PCDHGA3: variants seen among roughly 807,000 people sequenced by gnomAD.
PCDHGA3 encodes protocadherin gamma-A3.
A neutral mutation model predicts 58.5 loss-of-function variants in PCDHGA3; 40 were observed. The ratio of observed to expected loss-of-function variants is 0.68; its 90% CI spans 0.53 to 0.89. The LOEUF is 0.89. PCDHGA3 is among the 40% of genes least tolerant of loss of function. The pLI, the probability that PCDHGA3 is intolerant of heterozygous loss-of-function variation, is 0.00. For synonymous variants in PCDHGA3, 530 were observed against 525.7 expected (o/e 1.01, Z -0.11); for missense variants, 1,223 against 1,195.9 (o/e 1.02, Z -0.33).
rs773899530 is a variant in PCDHGA3 at position 141,494,864 on chromosome 5, G to C, written c.2482G>C (p.Gly828Arg). ...FSQAQRPGTS[G>R]SQNGDDTGTW... ...TCAGGCCCAGAGACCCGGCACCAGCGGGTAGGTGACTGATTCTCCAGCCCA... is the reference window on the plus strand; with the variant it reads ...TCAGGCCCAGAGACCCGGCACCAGCCGGTAGGTGACTGATTCTCCAGCCCA... The change falls in exon 2 of 4, where the codon GGC becomes CGC. Residue 828 changes from glycine (G) to arginine (R), a missense_variant and splice_region_variant. Transcript: ENST00000253812. The C allele has an allele frequency of 1.2e-6, 2 of 1,614,068 alleles. No individual in the cohort carries two copies. Among genetic ancestry groups the C allele is most frequent in the Middle Eastern group, 1.6e-4 (1 of 6,062 alleles).
Position 141,356,319 on chromosome 5 carries a change from C to T in PCDHGA3, c.2424+9862C>T, listed in dbSNP as rs756397423. The T allele has an allele frequency of 3.5e-5, 55 of 1,554,034 alleles. No homozygotes were observed. The Admixed American group carries it at 9.8e-4, about 28-fold the overall frequency. On this transcript the variant is annotated intron_variant, in intron 1 of 3. Transcript: ENST00000253812. ...TAATTGCACTTTTCAACGTGCATGACAGTGACTCAGGAGGAAATGGCCTAG... is the reference window on the plus strand; with the variant it reads ...TAATTGCACTTTTCAACGTGCATGATAGTGACTCAGGAGGAAATGGCCTAG...
rs751024373 is a variant in PCDHGA3, at chr5:141,491,801, G to A, written c.2425-3006G>A. On this transcript the variant is annotated intron_variant, in intron 1 of 3. Coordinates refer to ENST00000253812, the MANE Select transcript of PCDHGA3 (RefSeq NM_018916.4). The surrounding 1 kb of genome is among the most constrained non-coding windows in gnomAD (Gnocchi z 6.9). ...AACTTGCATCCACTCCTCTCCGGCC[G>A]GCTTGGTCGCTGGCTGCGCTCCACC... 2.7e-6 allele frequency: 4 copies of A among 1,500,726 alleles called. No homozygotes were observed. The Admixed American group carries it at 7.3e-5, about 28-fold the overall frequency. 93.0% of individuals were successfully genotyped at this position (1,500,726 alleles called of 1,614,324 possible). A position where few individuals can be genotyped will look rare whatever the true frequency, so the allele number is the denominator to read the frequency against.
chr5:141,345,732 C>T lies in PCDHGA3; in HGVS notation c.1699C>T (p.Leu567Phe), dbSNP rs201819603. 3,767 of 1,614,222 alleles carry T rather than the reference C, an allele frequency of 2.3e-3. 7 individuals carry two copies. The highest frequency in any genetic ancestry group is 2.9e-3 in the Non-Finnish European group (3,407 of 1,180,036). ...DNAPEILYPA[L>F]PTDGSTGVEL... is the part of the protein sequence containing the mutation. ...CGCGCCCGAGATCCTGTACCCCGCC[C>T]TCCCCACAGACGGTTCCACTGGCGT... The change falls in exon 1 of 4, where the codon CTC (leucine) becomes TTC (phenylalanine). Residue 567 changes from leucine to phenylalanine, a missense_variant. This residue lies in a region of PCDHGA3 where 791 missense variants were observed against 708.5 expected (regional missense o/e 1.12). Coordinates refer to ENST00000253812, the MANE Select transcript of PCDHGA3 (RefSeq NM_018916.4).
chr5:141,489,707 G>A lies in PCDHGA3; in HGVS notation c.2425-5100G>A. 6.2e-7 allele frequency: 1 copy of A among 1,614,194 alleles called. No individual in the cohort carries two copies. Among genetic ancestry groups the A allele is most frequent in the Non-Finnish European group, 8.5e-7 (1 of 1,180,022 alleles). The stretch of plus-strand genomic sequence containing the variant: ...TCTGGGGCACGATTCCCACTGGACA[G>A]TGCCCAGGATCCGGATGTGGGCACC... On this transcript the variant is annotated intron_variant, in intron 1 of 3. Transcript: ENST00000253812. The surrounding 1 kb of genome is among the most constrained non-coding windows in gnomAD (Gnocchi z 4.5).
In PCDHGA3 at chr5:141,354,495, G is replaced by T. The variant is rs751604496; in HGVS notation, c.2424+8038G>T. Among the ~76,000 whole-genome samples the T allele has an allele frequency of 2.9e-4, 44 of 152,326 alleles. 1 individual carries two copies. Among genetic ancestry groups the T allele is most frequent in the Non-Finnish European group, 4.7e-4 (32 of 68,030 alleles). Reference sequence around the variant, plus strand: ...GGGTAAGGCTAACTCTTGAACAGTAGGTGAGTTTTTTGCAAGGGAATTGAA... The same window carrying T: ...GGGTAAGGCTAACTCTTGAACAGTATGTGAGTTTTTTGCAAGGGAATTGAA... On this transcript the variant is annotated intron_variant, in intron 1 of 3. Coordinates refer to ENST00000253812, the MANE Select transcript of PCDHGA3 (RefSeq NM_018916.4).
At chr5:141,376,493 C>A in intron 1 of PCDHGA3, 1 of 1,614,130 alleles carries the variant, frequency 6.2e-7, no homozygotes, top group South Asian at 1.1e-5. Flanking sequence ...GAAAGGAGAA[C>A]CCAGGCAACT....
chr5:141,374,747 C>G, intron 1 of PCDHGA3: 1 of 1,612,140 alleles, frequency 6.2e-7, no homozygotes, highest in Non-Finnish European at 8.5e-7. Flanking sequence ...CGACCCTGTC[C>G]GCTCAAGCGT....
At chr5:141,510,134 C>T (rs1273076437) in intron 3 of PCDHGA3, among the ~76,000 whole-genome samples, 1 of 152,064 alleles carries the variant, frequency 6.6e-6, no homozygotes, top group East Asian at 1.9e-4. Context: ...ATTAGCTGGG[C>T]TAGTGGTGTG....
At chr5:141,470,059 G>A (rs1206799372) in intron 1 of PCDHGA3, among the ~76,000 whole-genome samples, 6 of 152,186 alleles carry the variant, frequency 3.9e-5, no homozygotes, top group African/African-American at 1.4e-4. Context: ...AACCCCGGAG[G>A]CAGAGACTGT....
At chr5:141,398,604 T>C (rs2093677345) in intron 1 of PCDHGA3, 1 of 1,613,930 alleles carries the variant, frequency 6.2e-7, no homozygotes, top group South Asian at 1.1e-5. Flanking sequence ...TAGCAGAAGA[T>C]GCAGATATTG....
At position 141,493,262 on chromosome 5, in the gene PCDHGA3, A is replaced by G. The variant is rs148431133; in HGVS notation, c.2425-1545A>G. ...GGTACTAACATGCCTCTCTTATAAC[A>G]GCTTCACAGAGGTCAAGTGACTTGC... is the stretch of plus-strand genomic sequence containing the variant. On this transcript the variant is annotated intron_variant, in intron 1 of 3. Transcript: ENST00000253812. This position sits in a 1 kb window ranked among gnomAD's most constrained non-coding sequence, Gnocchi z 4.3. 5.1e-4 allele frequency among the ~76,000 whole-genome samples: 78 copies of G among 152,302 alleles called. No homozygotes were observed. Among genetic ancestry groups the G allele is most frequent in the African/African-American group, 1.7e-3 (72 of 41,574 alleles).
intron 1 of PCDHGA3, among the ~76,000 whole-genome samples, chr5:141,458,726 C>T (rs1301761231): frequency 1.3e-5 from 2 of 151,992 alleles, no homozygotes; most frequent in African/African-American, 4.8e-5. Flanking sequence ...TTCGCCACCA[C>T]ATCCAGCTAT....
At chr5:141,351,408 A>G (rs754223398) in intron 1 of PCDHGA3, 1 of 1,611,512 alleles carries the variant, frequency 6.2e-7, no homozygotes, top group Non-Finnish European at 8.5e-7. Context: ...TGCTATACTC[A>G]GGAAGAAGTT....
chr5:141,395,961 G>C (rs1016569431), intron 1 of PCDHGA3: 1 of 151,956 alleles, frequency 6.6e-6, no homozygotes, highest in Non-Finnish European at 1.5e-5. Flanking sequence ...AAAAACAAAA[G>C]CAAAAACATT....
intron 1 of PCDHGA3, chr5:141,351,587 G>C (rs761994950): frequency 2.5e-6 from 4 of 1,613,988 alleles, no homozygotes; most frequent in Non-Finnish European, 3.4e-6. Context: ...CGACATCAAC[G>C]ACAATGCACC....
chr5:141,497,003 A>C (rs928317358), intron 2 of PCDHGA3, among the ~76,000 whole-genome samples: 2 of 152,148 alleles, frequency 1.3e-5, no homozygotes, highest in African/African-American at 4.8e-5. Context: ...CTGGCAGCCA[A>C]CATGGTGAAA....
chr5:141,344,877 G>A lies in PCDHGA3; in HGVS notation c.844G>A (p.Asp282Asn), dbSNP rs768877303. 1 of 1,613,902 alleles carries A rather than the reference G, an allele frequency of 6.2e-7. No homozygotes were observed. The highest frequency in any genetic ancestry group is 8.5e-7 in the Non-Finnish European group (1 of 1,179,860). Residue 282 changes from aspartate (D) to asparagine (N), a missense_variant, in exon 1 of 4, where the codon GAT becomes AAT. Transcript: ENST00000253812. ...GFNAQVSYILDKMPGKIAEIF... is the reference protein window; with the variant it reads ...GFNAQVSYILNKMPGKIAEIF... ...CAATGCTCAAGTGTCTTATATTCTA[G>A]ATAAAATGCCTGGGAAAATCGCTGA...
At chr5:141,469,438 G>T (rs2099201339) in intron 1 of PCDHGA3, among the ~76,000 whole-genome samples, 1 of 152,112 alleles carries the variant, frequency 6.6e-6, no homozygotes, top group African/African-American at 2.4e-5. Flanking sequence ...AGCTGGGCGT[G>T]GTGGTGCACA....
At position 141,362,384 on chromosome 5, in the gene PCDHGA3, A is replaced by G. The variant is rs1333592752; in HGVS notation, c.2424+15927A>G. The G allele has an allele frequency of 1.9e-6, 3 of 1,614,042 alleles. No homozygotes were observed. The highest frequency in any genetic ancestry group is 2.5e-6 in the Non-Finnish European group (3 of 1,179,894). On this transcript the variant is annotated intron_variant, in intron 1 of 3. Coordinates refer to ENST00000253812, the MANE Select transcript of PCDHGA3 (RefSeq NM_018916.4). ...AATTACAGTGAGGGTACATTGCCCTATTCCTACAACCTGTGTGTTGCCTCA... is the reference window on the plus strand; with the variant it reads ...AATTACAGTGAGGGTACATTGCCCTGTTCCTACAACCTGTGTGTTGCCTCA...
Sources: allele counts gnomAD v4.1 joint callset (sites outside exome capture counted in the v4.1 genomes callset), GRCh38; gene constraint gnomAD v4.1.1; regional missense constraint gnomAD v4.1.1; non-coding constraint Gnocchi (gnomAD v3.1); transcripts MANE v1.5; gene names NCBI Gene and HGNC (gene_info 2026-07-23, HGNC 2026-07-21).